Variants in STK24 observed in about 807,000 individuals in gnomAD.
STK24 encodes serine/threonine-protein kinase 24.
Under a neutral mutation model 55.6 loss-of-function variants are expected in STK24, and 21 were observed. The ratio of observed to expected loss-of-function variants is 0.38; its 90% confidence interval spans 0.27 to 0.54. The LOEUF is 0.54. Among genes scored for constraint, STK24 ranks in the 20% least tolerant of loss-of-function variants. STK24 has a pLI of 0.79. For missense variants in STK24, 383 were observed against 538.4 expected, an observed-to-expected ratio of 0.71 and a Z score of 2.86; for synonymous variants, 200 against 215.2, an observed-to-expected ratio of 0.93 and a Z score of 0.62.
chr13:98,459,187 C>T (rs1756222881), intron 9 of STK24, among the ~76,000 whole-genome samples: 1 of 152,238 alleles, frequency 6.6e-6, no homozygotes, highest in Non-Finnish European at 1.5e-5. Context: ...ACGGGGCCAA[C>T]TCCCATGGGA....
chr13:98,478,556 G>A (rs1894470302), intron 3 of STK24, among the ~76,000 whole-genome samples: 1 of 152,224 alleles, frequency 6.6e-6, no homozygotes. Flanking sequence ...TGACGGTATG[G>A]ACCAGAGCCA....
intron 2 of STK24, among the ~76,000 whole-genome samples, chr13:98,483,621 T>C (rs1048972485): frequency 6.6e-6 from 1 of 152,096 alleles, no homozygotes; most frequent in African/African-American, 2.4e-5. Context: ...TTGTCTTCCC[T>C]CCCCACGCCC....
intron 1 of STK24, among the ~76,000 whole-genome samples, chr13:98,536,994 CCTT>C (rs989900252): frequency 1.3e-5 from 2 of 152,210 alleles, no homozygotes; most frequent in Non-Finnish European, 2.9e-5. Context: ...CGGCTCATCT[CCTT>C]ACCTCCCCCA....
chr13:98,567,340 AC>A (rs1897611824), intron 1 of STK24, among the ~76,000 whole-genome samples: 1 of 88,268 alleles, frequency 1.1e-5, no homozygotes, highest in Non-Finnish European at 3.2e-5. Context: ...TGCACCGACC[AC>A]CACGGAACAT....
At chr13:98,562,617 A>G (rs969565287) in intron 1 of STK24, among the ~76,000 whole-genome samples, 1 of 152,210 alleles carries the variant, frequency 6.6e-6, no homozygotes, top group African/African-American at 2.4e-5. Flanking sequence ...GGTGTTTATC[A>G]CTTTAAAAGG....
At position 98,545,421 on chromosome 13, in the gene STK24, T is replaced by TGGATCACGAGGTCAGGAGATCC. The variant is rs1367919599; in HGVS notation, c.43-25970_43-25949dup. Among the ~76,000 whole-genome samples the TGGATCACGAGGTCAGGAGATCC allele has an allele frequency of 2.6e-5, 4 of 151,496 alleles. No individual in the cohort carries two copies. The East Asian group carries it at 5.8e-4, about 22-fold the overall frequency. ...CGGCACTTTGGGAGGCCGAGGCGGGTGGATCACGAGGTCAGGAGATCCAGA... is the reference window on the plus strand; with the variant it reads ...CGGCACTTTGGGAGGCCGAGGCGGGTGGATCACGAGGTCAGGAGATCCGGATCACGAGGTCAGGAGATCCAGA... On this transcript the variant is annotated intron_variant, in intron 1 of 10. Transcript: ENST00000539966.
chr13:98,570,636 C>A (rs768749717), intron 1 of STK24, among the ~76,000 whole-genome samples: 1 of 152,112 alleles, frequency 6.6e-6, no homozygotes, highest in African/African-American at 2.4e-5. Context: ...TCCCTGGGTG[C>A]GCATAAAGTG....
At chr13:98,486,137 A>G (rs1387091152) in intron 2 of STK24, among the ~76,000 whole-genome samples, 1 of 152,036 alleles carries the variant, frequency 6.6e-6, no homozygotes, top group East Asian at 1.9e-4. Context: ...GCAAACCACC[A>G]TGGCACATCT....
chr13:98,460,420 C>A lies in STK24; in HGVS notation c.1074G>T (p.Arg358Ser), dbSNP rs780538522. Residue 358 changes from arginine to serine, a missense_variant, in exon 9 of 11, where the codon AGG (arginine) becomes AGT (serine). Transcript: ENST00000539966. ...DRNKMKDIPK[R>S]PFSQCLSTII... ...TTGTAGATAAACACTGAGAGAAAGG[C>A]CTCTTCGGGATGTCTTTCATCTTGG... The A allele has an allele frequency of 1.2e-6, 2 of 1,613,364 alleles. No homozygotes were observed. The highest frequency in any genetic ancestry group is 1.7e-5 in the Admixed American group (1 of 60,002).
chr13:98,461,948 G>T, intron 7 of STK24, 51 bp from the exon 8 acceptor site: 1 of 1,603,816 alleles, frequency 6.2e-7, no homozygotes, highest in Admixed American at 1.7e-5. Context: ...ACCTGCTCTG[G>T]GGGCGCTGGG....
At chr13:98,534,592 T>C (rs1660336615) in intron 1 of STK24, among the ~76,000 whole-genome samples, 2 of 152,164 alleles carry the variant, frequency 1.3e-5, no homozygotes, top group South Asian at 4.1e-4. Context: ...AAACTGCTCC[T>C]GGGGATAAGA....
chr13:98,462,748 C>T (rs931151905), intron 7 of STK24, among the ~76,000 whole-genome samples: 2 of 152,190 alleles, frequency 1.3e-5, no homozygotes, highest in African/African-American at 4.8e-5. Context: ...GGACGTCTCT[C>T]CTGGACAACT....
intron 1 of STK24, among the ~76,000 whole-genome samples, chr13:98,556,752 G>T (rs1448648449): frequency 6.6e-6 from 1 of 152,102 alleles, no homozygotes; most frequent in African/African-American, 2.4e-5. Context: ...CAAGACTGAG[G>T]CTGTTTAAAC....
At chr13:98,493,902 G>A (rs993703074) in intron 2 of STK24, among the ~76,000 whole-genome samples, 4 of 150,016 alleles carry the variant, frequency 2.7e-5, no homozygotes, top group South Asian at 4.3e-4. Flanking sequence ...GAGTGCAGTG[G>A]TGCGATCTTG....
intron 1 of STK24, among the ~76,000 whole-genome samples, chr13:98,535,433 A>G (rs1896703232): frequency 8.2e-6 from 1 of 121,754 alleles, no homozygotes; most frequent in East Asian, 2.3e-4. Context: ...ACACACACAC[A>G]CACGCAATGC....
rs1243493826 is a variant in STK24, at chr13:98,450,914, G to A, written c.*2259C>T. ...CCCAGGAGAGAATGTACACAGAGGC[G>A]AGCTTTCTAACTCCATCAAACCCCA... is the stretch of plus-strand genomic sequence containing the variant. On this transcript the variant is annotated 3_prime_UTR_variant, in exon 11 of 11. Coordinates refer to ENST00000539966, the MANE Select transcript of STK24 (RefSeq NM_001032296.4). The A allele has an allele frequency of 1.3e-5, 2 of 152,270 alleles. No homozygotes were observed. The highest frequency in any genetic ancestry group is 2.9e-5 in the Non-Finnish European group (2 of 68,046). The allele number at this position is 152,270 out of a possible 1,614,324, so 9.4% of individuals were successfully genotyped here. A position where few individuals can be genotyped will look rare whatever the true frequency, so the allele number is the denominator to read the frequency against.
intron 1 of STK24, among the ~76,000 whole-genome samples, chr13:98,561,312 G>A (rs1331137166): frequency 6.6e-6 from 1 of 152,104 alleles, no homozygotes; most frequent in African/African-American, 2.4e-5. Flanking sequence ...GTCGGGCACG[G>A]TGGCTCATGC....
chr13:98,569,734 T>C (rs1243595496), intron 1 of STK24, among the ~76,000 whole-genome samples: 2 of 151,850 alleles, frequency 1.3e-5, no homozygotes, highest in African/African-American at 4.8e-5. Context: ...CTCACTGACA[T>C]TACAACATCT....
At chr13:98,488,556 T>TA (rs1216814541) in intron 2 of STK24, among the ~76,000 whole-genome samples, 1 of 152,218 alleles carries the variant, frequency 6.6e-6, no homozygotes, top group Non-Finnish European at 1.5e-5. Flanking sequence ...TAGGAGTTTT[T>TA]AACATATTGG....
Sources: gnomAD v4.1 joint callset for allele counts (sites outside exome capture counted in the v4.1 genomes callset) on GRCh38, gnomAD v4.1.1 for gene constraint, MANE v1.5 for transcripts, NCBI Gene and HGNC (gene_info 2026-07-23, HGNC 2026-07-21) for gene names.